The following LDB2 variants were observed in gnomAD, a reference collection of about 807,000 sequenced individuals.
LDB2 encodes the protein LIM domain binding 2.
Under a neutral mutation model 44.3 loss-of-function variants are expected in LDB2, and 12 were observed. The ratio of observed to expected loss-of-function variants is 0.27; its 90% confidence interval spans 0.17 to 0.44. The LOEUF (loss-of-function observed/expected upper bound fraction) is 0.44. Ranked by LOEUF, LDB2 falls within the 20% of genes least tolerant of loss-of-function variation. The pLI is 1.00. For missense variants in LDB2, 344 were observed against 473.5 expected, an observed-to-expected ratio of 0.73 and a Z score of 2.54; for synonymous variants, 164 against 174.8, an observed-to-expected ratio of 0.94 and a Z score of 0.49.
intron 1 of LDB2, among the ~76,000 whole-genome samples, chr4:16,800,599 A>C (rs1450690053): frequency 6.6e-6 from 1 of 152,248 alleles, no homozygotes; most frequent in African/African-American, 2.4e-5. Context: ...GACTGTGCCT[A>C]AGTGGTTGTG....
At chr4:16,511,837 T>G (rs1458487041) in intron 6 of LDB2, 144 bp downstream of exon 6, 2 of 896,202 alleles carry the variant, frequency 2.2e-6, no homozygotes, top group African/African-American at 3.3e-5. Flanking sequence ...ATTGTCTTTA[T>G]GTCCACAACC....
chr4:16,627,535 G>T lies in LDB2; in HGVS notation c.236-31660C>A, dbSNP rs1485909346. Reference sequence around the variant, plus strand: ...TTGGCTGCTATCTCTTATGTGTCAGGTCTTTTACATCAACTATCTCCATTT... The same window carrying T: ...TTGGCTGCTATCTCTTATGTGTCAGTTCTTTTACATCAACTATCTCCATTT... On this transcript the variant is annotated intron_variant, in intron 2 of 7. Transcript: ENST00000304523. 2.0e-5 allele frequency among the ~76,000 whole-genome samples: 3 copies of T among 152,020 alleles called. No individual in the cohort carries two copies. The East Asian group carries it at 5.8e-4, about 29-fold the overall frequency.
chr4:16,614,925 C>T (rs1361897621), intron 2 of LDB2, among the ~76,000 whole-genome samples: 1 of 150,524 alleles, frequency 6.6e-6, no homozygotes, highest in African/African-American at 2.4e-5. Context: ...AAAAAATTAG[C>T]CGGGCGTAGT....
intron 2 of LDB2, among the ~76,000 whole-genome samples, chr4:16,640,330 T>C (rs1315544283): frequency 1.3e-5 from 2 of 152,208 alleles, no homozygotes; most frequent in African/African-American, 4.8e-5. Flanking sequence ...AGCTAGTCAG[T>C]GCAATAATGG....
rs190296562 is a variant in LDB2 at position 16,858,958 on chromosome 4, A to G, written c.132+39396T>C. Among the ~76,000 whole-genome samples, 169 of 152,360 alleles carry G rather than the reference A, an allele frequency of 1.1e-3. 1 individual carries two copies. The highest frequency in any genetic ancestry group is 3.8e-3 in the African/African-American group (160 of 41,584). On this transcript the variant is annotated intron_variant, in intron 1 of 7. Coordinates refer to ENST00000304523, the MANE Select transcript of LDB2 (RefSeq NM_001290.5). ...TGCTTCAAATTAAGACTTTTTTAAA[A>G]TAAAGAGTCTTCAGATAGAACTTTG...
chr4:16,520,631 C>T (rs962932256), intron 5 of LDB2, among the ~76,000 whole-genome samples: 8 of 152,142 alleles, frequency 5.3e-5, no homozygotes, highest in East Asian at 3.9e-4. Context: ...GGTGTCCCTC[C>T]GTTCTCAGGC....
At chr4:16,512,207 T>C (rs1345507151) in intron 5 of LDB2, 103 bp from the exon 6 acceptor site, 3 of 1,115,150 alleles carry the variant, frequency 2.7e-6, no homozygotes, top group Non-Finnish European at 3.6e-6. Context: ...GAGAATACTT[T>C]TATTTTCCTG....
intron 1 of LDB2, among the ~76,000 whole-genome samples, chr4:16,848,274 G>C (rs1787495641): frequency 6.6e-6 from 1 of 152,220 alleles, no homozygotes; most frequent in South Asian, 2.1e-4. Flanking sequence ...ACATGGTTCT[G>C]TACACAGATG....
At chr4:16,744,709 C>T (rs1764040463) in intron 2 of LDB2, among the ~76,000 whole-genome samples, 1 of 152,164 alleles carries the variant, frequency 6.6e-6, no homozygotes, top group Admixed American at 6.5e-5. Context: ...ATCTCCTAAC[C>T]TCGTGATCTG....
chr4:16,840,532 CT>C (rs1785684160), intron 1 of LDB2, among the ~76,000 whole-genome samples: 1 of 152,130 alleles, frequency 6.6e-6, no homozygotes, highest in African/African-American at 2.4e-5. Context: ...CACTGTGCGG[CT>C]TTAATAGCTT....
chr4:16,706,345 C>T (rs938322312), intron 2 of LDB2, among the ~76,000 whole-genome samples: 2 of 152,096 alleles, frequency 1.3e-5, no homozygotes, highest in Admixed American at 6.6e-5. Flanking sequence ...AAAAGAAGCC[C>T]GAGAGAGGTC....
intron 2 of LDB2, among the ~76,000 whole-genome samples, chr4:16,606,446 T>G (rs1180160435): frequency 6.6e-6 from 1 of 152,246 alleles, no homozygotes; most frequent in East Asian, 1.9e-4. Context: ...TCAGCCCTGA[T>G]AGTACCTGTT....
chr4:16,533,582 A>G lies in LDB2; in HGVS notation c.616-21478T>C, dbSNP rs1051393820. 5.3e-5 allele frequency among the ~76,000 whole-genome samples: 8 copies of G among 152,178 alleles called. No individual in the cohort carries two copies. Among genetic ancestry groups the G allele is most frequent in the African/African-American group, 1.2e-4 (5 of 41,448 alleles). ...TCTGAACATGGTTTTATTTTTGTCT[A>G]TAAAGCTGAGACTTCTCTCAAGAAA... On this transcript the variant is annotated intron_variant, in intron 5 of 7. Transcript: ENST00000304523. This position sits in a 1 kb window ranked among gnomAD's most constrained non-coding sequence, Gnocchi z 4.1.
chr4:16,508,101 G>A (rs1317667542), intron 7 of LDB2, among the ~76,000 whole-genome samples: 3 of 128,128 alleles, frequency 2.3e-5, no homozygotes, highest in Middle Eastern at 4.4e-3. Flanking sequence ...AAGAGGGGAC[G>A]CCCATGTTGG....
At chr4:16,625,186 ACAAT>A (rs1729951638) in intron 2 of LDB2, among the ~76,000 whole-genome samples, 1 of 152,040 alleles carries the variant, frequency 6.6e-6, no homozygotes, top group Non-Finnish European at 1.5e-5. Context: ...ACCCCACATC[ACAAT>A]CAGTCTTGCT....
intron 1 of LDB2, among the ~76,000 whole-genome samples, chr4:16,837,693 G>A (rs1248009630): frequency 3.3e-5 from 5 of 152,188 alleles, no homozygotes; most frequent in South Asian, 2.1e-4. Context: ...CCCAGCCCAC[G>A]TTGCCAAGTT....
At chr4:16,767,176 A>G (rs1251623659) in intron 1 of LDB2, among the ~76,000 whole-genome samples, 1 of 152,214 alleles carries the variant, frequency 6.6e-6, no homozygotes, top group African/African-American at 2.4e-5. Context: ...AGTGGGTTCT[A>G]GTAGCAAGAG....
intron 1 of LDB2, among the ~76,000 whole-genome samples, chr4:16,846,649 C>T (rs772593212): frequency 8.5e-5 from 13 of 152,088 alleles, no homozygotes; most frequent in South Asian, 4.1e-4. Context: ...AAAGCAACTA[C>T]GGGTAAGCAT....
intron 5 of LDB2, among the ~76,000 whole-genome samples, chr4:16,570,859 C>T (rs186555048): frequency 6.6e-6 from 1 of 152,224 alleles, no homozygotes; most frequent in Admixed American, 6.5e-5. Context: ...TTTTCTGGTA[C>T]TATTTTATTT....
Sources: gnomAD v4.1 joint callset for allele counts (sites outside exome capture counted in the v4.1 genomes callset) on GRCh38, gnomAD v4.1.1 for gene constraint, Gnocchi (gnomAD v3.1) non-coding constraint, MANE v1.5 for transcripts, NCBI Gene and HGNC (gene_info 2026-07-23, HGNC 2026-07-21) for gene names.